Variants in ADARB2 observed in about 807,000 individuals in gnomAD.
The protein encoded by ADARB2 is inactive double-stranded RNA-specific editase B2.
A neutral mutation model predicts 62.2 loss-of-function variants in ADARB2; 25 were observed. The observed-to-expected ratio is 0.40, with a 90% CI of 0.29 to 0.56. The LOEUF (loss-of-function observed/expected upper bound fraction) is 0.56, where lower values mean the gene tolerates loss of function less well. ADARB2 is among the 20% of genes least tolerant of loss of function. The probability of loss-of-function intolerance (pLI) is 0.43; values close to 1 mark genes in which losing one functional copy is unlikely to be tolerated. For missense variants in ADARB2, 1,071 were observed against 1,077.4 expected, an observed-to-expected ratio of 0.99 and a Z score of 0.08; for synonymous variants, 572 against 500.8, an observed-to-expected ratio of 1.14 and a Z score of -1.90.
chr10:1,627,775 T>C (rs1833789585), intron 1 of ADARB2, among the ~76,000 whole-genome samples: 1 of 152,238 alleles, frequency 6.6e-6, no homozygotes, highest in African/African-American at 2.4e-5. Context: ...TTCCTTTTAA[T>C]TGATCACCCA....
chr10:1,569,532 C>T (rs150357549), intron 1 of ADARB2, among the ~76,000 whole-genome samples: 21 of 152,282 alleles, frequency 1.4e-4, no homozygotes, highest in Middle Eastern at 6.8e-3. Context: ...GTTCTGACTC[C>T]GTCTATTTTT....
intron 3 of ADARB2, among the ~76,000 whole-genome samples, chr10:1,327,965 A>ATCTCCTCACAG (rs1831890635): frequency 8.9e-6 from 1 of 112,160 alleles, no homozygotes; most frequent in African/African-American, 3.4e-5. Flanking sequence ...TCTCACCAGT[A>ATCTCCTCACAG]CTCAGCGCCT....
chr10:1,298,356 T>G (rs909283887), intron 3 of ADARB2, among the ~76,000 whole-genome samples: 1 of 152,198 alleles, frequency 6.6e-6, no homozygotes, highest in Non-Finnish European at 1.5e-5. Context: ...TGGCTGGACT[T>G]AAGGGTTTCC....
At chr10:1,617,949 C>T (rs181296470) in intron 1 of ADARB2, among the ~76,000 whole-genome samples, 241 of 152,360 alleles carry the variant, frequency 1.6e-3, no homozygotes, top group African/African-American at 4.8e-3. Context: ...CCTCCAACTA[C>T]AGATTTCCCT....
intron 7 of ADARB2, among the ~76,000 whole-genome samples, chr10:1,202,112 G>T (rs989025623): frequency 8.0e-5 from 12 of 150,504 alleles, no homozygotes; most frequent in African/African-American, 1.7e-4. Flanking sequence ...TGTTTGTTTT[G>T]TTTTTTTTTC....
At chr10:1,309,160 G>A (rs969830839) in intron 3 of ADARB2, among the ~76,000 whole-genome samples, 2 of 152,198 alleles carry the variant, frequency 1.3e-5, no homozygotes, top group Admixed American at 6.5e-5. Context: ...CATGTCTGAG[G>A]TTGCCTCTAG....
In ADARB2 at chr10:1,682,428, A is replaced by G. The variant is rs76172047; in HGVS notation, c.100+54623T>C. ...CCATTTGCACTTTAAGGAAACCAGT[A>G]TCCCCTGAAAGTCGGTCTTAGAAAC... On this transcript the variant is annotated intron_variant, in intron 1 of 9. Transcript: ENST00000381312. 1.7e-3 allele frequency among the ~76,000 whole-genome samples: 253 copies of G among 152,358 alleles called. 4 individuals carry two copies. In the East Asian group the frequency reaches 0.039, roughly 23 times the overall value.
intron 1 of ADARB2, among the ~76,000 whole-genome samples, chr10:1,550,951 C>T (rs1832612964): frequency 6.6e-6 from 1 of 152,060 alleles, no homozygotes; most frequent in Non-Finnish European, 1.5e-5. Flanking sequence ...AAAAGGACGG[C>T]AGAAAAGGGG....
At chr10:1,351,699 C>T (rs540189360) in intron 3 of ADARB2, among the ~76,000 whole-genome samples, 76 of 152,080 alleles carry the variant, frequency 5.0e-4, no homozygotes, top group Non-Finnish European at 9.1e-4. Flanking sequence ...ACCTAATCAC[C>T]GTTACCCCAC....
At chr10:1,452,402 C>A (rs1831051034) in intron 1 of ADARB2, among the ~76,000 whole-genome samples, 1 of 152,046 alleles carries the variant, frequency 6.6e-6, no homozygotes, top group African/African-American at 2.4e-5. Flanking sequence ...CTTTCTAGTT[C>A]TTTTACTCAG....
chr10:1,697,167 G>A (rs769445716), intron 1 of ADARB2, among the ~76,000 whole-genome samples: 2 of 152,102 alleles, frequency 1.3e-5, no homozygotes, highest in African/African-American at 4.8e-5. Context: ...CTCTGTGTGC[G>A]AACACTGCTG....
At chr10:1,375,342 C>G (rs1564273283) in intron 2 of ADARB2, among the ~76,000 whole-genome samples, 1 of 152,210 alleles carries the variant, frequency 6.6e-6, no homozygotes, top group Non-Finnish European at 1.5e-5. Flanking sequence ...ACACGCCTTA[C>G]AAACGTGGAG....
chr10:1,459,361 C>A (rs1469286168), intron 1 of ADARB2, among the ~76,000 whole-genome samples: 1 of 152,246 alleles, frequency 6.6e-6, no homozygotes, highest in East Asian at 1.9e-4. Context: ...AAACTGAGAT[C>A]ATGTCCTTTG....
chr10:1,572,830 T>C (rs1451587167), intron 1 of ADARB2, among the ~76,000 whole-genome samples: 1 of 152,228 alleles, frequency 6.6e-6, no homozygotes, highest in Admixed American at 6.5e-5. Context: ...CATTTGCTGC[T>C]GGTGCTTCTG....
intron 1 of ADARB2, among the ~76,000 whole-genome samples, chr10:1,462,174 C>A (rs1831182810): frequency 6.6e-6 from 1 of 152,148 alleles, no homozygotes; most frequent in African/African-American, 2.4e-5. Flanking sequence ...CCCCCAGGCC[C>A]CCTGAGCACC....
In ADARB2 at chr10:1,180,297, TC is replaced by T. The variant is rs1280359729; in HGVS notation, c.*2895del. On this transcript the variant is annotated 3_prime_UTR_variant, in exon 10 of 10. Coordinates refer to ENST00000381312, the MANE Select transcript of ADARB2 (RefSeq NM_018702.4). The stretch of plus-strand genomic sequence containing the variant: ...TGTGGGAATCCTGGGACCCAGCTCT[TC>T]CGGGAACTCTTGGGGCTGTGGGAAT... 1 of 150,604 alleles carries T rather than the reference TC, an allele frequency of 6.6e-6. No individual in the cohort carries two copies. Among genetic ancestry groups the T allele is most frequent in the Non-Finnish European group, 1.5e-5 (1 of 67,696 alleles). The allele number at this position is 150,604 out of a possible 1,614,324, so 9.3% of individuals were successfully genotyped here.
At chr10:1,204,668 C>T (rs1024814878) in intron 7 of ADARB2, among the ~76,000 whole-genome samples, 2 of 152,332 alleles carry the variant, frequency 1.3e-5, no homozygotes, top group African/African-American at 4.8e-5. Flanking sequence ...GCTCTAAAAC[C>T]ACAGGGCTTT....
intron 1 of ADARB2, among the ~76,000 whole-genome samples, chr10:1,475,168 G>GA (rs1554765929): frequency 2.0e-5 from 3 of 151,964 alleles, no homozygotes; most frequent in African/African-American, 7.3e-5. Flanking sequence ...GCACTCAGGA[G>GA]CCCCCCCGGG....
intron 1 of ADARB2, among the ~76,000 whole-genome samples, chr10:1,561,298 T>C (rs1276647920): frequency 6.6e-6 from 1 of 152,200 alleles, no homozygotes; most frequent in African/African-American, 2.4e-5. Flanking sequence ...CTGGATGTCA[T>C]AGACCCAGAC....
Sources: allele counts gnomAD v4.1 joint callset (sites outside exome capture counted in the v4.1 genomes callset), GRCh38; gene constraint gnomAD v4.1.1; transcripts MANE v1.5; gene names NCBI Gene and HGNC (gene_info 2026-07-23, HGNC 2026-07-21).